The following PPIG variants were observed in gnomAD, a reference collection of about 807,000 sequenced individuals.
The protein encoded by PPIG is peptidylprolyl isomerase G.
Under a neutral mutation model 87.9 loss-of-function variants are expected in PPIG, and 26 were observed. The observed-to-expected ratio is 0.30, with a 90% confidence interval of 0.22 to 0.41. The LOEUF (loss-of-function observed/expected upper bound fraction) is 0.41. PPIG is among the 10% of genes least tolerant of loss of function. The pLI, the probability that PPIG is intolerant of heterozygous loss-of-function variation, is 1.00. For synonymous variants in PPIG, 308 were observed against 276.5 expected, an observed-to-expected ratio of 1.11 and a Z score of -1.13; for missense variants, 722 against 879.4, an observed-to-expected ratio of 0.82 and a Z score of 2.26.
chr2:169,589,811 A>G (rs60523052), intron 1 of PPIG, among the ~76,000 whole-genome samples: 2,462 of 152,240 alleles, frequency 0.016, 62 homozygotes, highest in African/African-American at 0.055. Flanking sequence ...CAGTATCCCC[A>G]TTTAAGAAGC....
intron 1 of PPIG, among the ~76,000 whole-genome samples, chr2:169,593,093 A>C (rs1180900198): frequency 1.3e-5 from 2 of 151,844 alleles, no homozygotes; most frequent in Non-Finnish European, 1.5e-5. Flanking sequence ...CCATTTCCAC[A>C]CATGTACATT....
chr2:169,631,567 CGTTTT>C (rs1019905384), intron 10 of PPIG, 194 bp from the exon 11 acceptor site: 134 of 1,329,094 alleles, frequency 1.0e-4, no homozygotes, highest in Middle Eastern at 2.8e-4. Context: ...ATAATCGAAA[CGTTTT>C]GTTTTGTTTG....
intron 1 of PPIG, among the ~76,000 whole-genome samples, chr2:169,592,336 G>T (rs1171405294): frequency 8.9e-6 from 1 of 111,984 alleles, no homozygotes; most frequent in Non-Finnish European, 1.7e-5. Context: ...ATGGAGTCTC[G>T]CTCTGTCACC....
intron 1 of PPIG, among the ~76,000 whole-genome samples, chr2:169,598,973 A>G (rs912217987): frequency 2.6e-5 from 4 of 151,710 alleles, no homozygotes; most frequent in African/African-American, 4.8e-5. Context: ...ATGGACATTT[A>G]GGTTTACAGC....
chr2:169,633,899 C>A (rs188580817), intron 12 of PPIG, among the ~76,000 whole-genome samples: 1 of 149,198 alleles, frequency 6.7e-6, no homozygotes, highest in African/African-American at 2.5e-5. Context: ...GGCATGATCT[C>A]GGCTCACTTT....
intron 6 of PPIG, 101 bp from the exon 7 acceptor site, chr2:169,608,570 T>C: frequency 1.7e-6 from 1 of 599,536 alleles, no homozygotes; most frequent in Non-Finnish European, 3.0e-6. Context: ...AAGTAAGTTG[T>C]GTGTGGCACT....
chr2:169,627,794 T>C (rs1684943793), intron 9 of PPIG, among the ~76,000 whole-genome samples: 1 of 148,978 alleles, frequency 6.7e-6, no homozygotes, highest in South Asian at 2.2e-4. Flanking sequence ...TAGGAAAGAA[T>C]CTCAGTGCAA....
chr2:169,593,018 G>A (rs1317875367), intron 1 of PPIG, among the ~76,000 whole-genome samples: 2 of 151,832 alleles, frequency 1.3e-5, no homozygotes, highest in Non-Finnish European at 2.9e-5. Context: ...TGTCATTTCA[G>A]GAAAACTAAT....
In PPIG at chr2:169,641,279, GCTTCT is replaced by G. The variant is rs896116902; in HGVS notation, c.*3760_*3764del. ...ATTGTAAAATTAGTTTCAAAATGCT[GCTTCT>G]CTTATCATTAGTCTAGTAATTGTTG... On this transcript the variant is annotated 3_prime_UTR_variant, in exon 14 of 14. Transcript: ENST00000260970. 1 of 151,968 alleles carries G rather than the reference GCTTCT, an allele frequency of 6.6e-6. No homozygotes were observed. The highest frequency in any genetic ancestry group is 2.4e-5 in the African/African-American group (1 of 41,370). The allele number at this position is 151,968 out of a possible 1,614,324, so 9.4% of individuals were successfully genotyped here.
At chr2:169,604,559 C>T (rs907042260) in intron 4 of PPIG, among the ~76,000 whole-genome samples, 2 of 151,868 alleles carry the variant, frequency 1.3e-5, no homozygotes, top group African/African-American at 2.4e-5. Flanking sequence ...GTGACTAGGG[C>T]GTGAAAGTAA....
At chr2:169,591,148 G>C (rs919002328) in intron 1 of PPIG, among the ~76,000 whole-genome samples, 1 of 152,062 alleles carries the variant, frequency 6.6e-6, no homozygotes, top group Non-Finnish European at 1.5e-5. Context: ...TGCCATGTCC[G>C]CTACTATATA....
chr2:169,602,206 A>C (rs2592812), intron 1 of PPIG, among the ~76,000 whole-genome samples: 138,663 of 152,032 alleles, frequency 0.91, 63,276 homozygotes, highest in East Asian at 0.98. Context: ...CTCGTGTATG[A>C]TAATATTCCA....
chr2:169,631,617 A>G (rs560145477), intron 10 of PPIG, 149 bp from the exon 11 acceptor site: 1 of 1,436,804 alleles, frequency 7.0e-7, no homozygotes, highest in Admixed American at 3.0e-5. Context: ...TCAGAGGAAT[A>G]GAAGATTTTT....
chr2:169,632,750 T>TAAC (rs1574465179), intron 11 of PPIG, among the ~76,000 whole-genome samples: 1 of 150,718 alleles, frequency 6.6e-6, no homozygotes, highest in Non-Finnish European at 1.5e-5. Context: ...GTCTCAAAAA[T>TAAC]AATAATAATA....
At chr2:169,632,929 A>G (rs1256629140) in intron 11 of PPIG, among the ~76,000 whole-genome samples, 1 of 151,206 alleles carries the variant, frequency 6.6e-6, no homozygotes, top group Non-Finnish European at 1.5e-5. Flanking sequence ...CACTTGAGCC[A>G]CCATGCCCAG....
At chr2:169,630,281 T>C (rs958209871) in intron 9 of PPIG, among the ~76,000 whole-genome samples, 2 of 152,154 alleles carry the variant, frequency 1.3e-5, no homozygotes, top group African/African-American at 4.8e-5. Flanking sequence ...AGTCTCCTCT[T>C]GAGCTAAATT....
At chr2:169,629,886 A>T (rs1385451587) in intron 9 of PPIG, among the ~76,000 whole-genome samples, 1 of 152,154 alleles carries the variant, frequency 6.6e-6, no homozygotes, top group Non-Finnish European at 1.5e-5. Context: ...AATGCTTTAT[A>T]CTTTATGAGT....
At chr2:169,584,622 G>T (rs1684646903) in intron 1 of PPIG, 132 bp downstream of exon 1, 1 of 425,538 alleles carries the variant, frequency 2.3e-6, no homozygotes, top group South Asian at 1.7e-5. Context: ...TCTTTCCCTC[G>T]AGGTATCGGG....
At chr2:169,591,409 T>G (rs1044929709) in intron 1 of PPIG, among the ~76,000 whole-genome samples, 9 of 152,154 alleles carry the variant, frequency 5.9e-5, no homozygotes, top group African/African-American at 2.2e-4. Flanking sequence ...TTGATAAATA[T>G]TAAAAATAAC....
Sources: gnomAD v4.1 joint callset for allele counts (sites outside exome capture counted in the v4.1 genomes callset) on GRCh38, gnomAD v4.1.1 for gene constraint, MANE v1.5 for transcripts, NCBI Gene and HGNC (gene_info 2026-07-23, HGNC 2026-07-21) for gene names.